KIAA0319L: variants seen among roughly 807,000 people sequenced by gnomAD.
KIAA0319L encodes dyslexia-associated protein KIAA0319-like protein.
Under a neutral mutation model 120.1 loss-of-function variants are expected in KIAA0319L, and 55 were observed. The ratio of observed to expected loss-of-function variants is 0.46; its 90% CI spans 0.37 to 0.57. The LOEUF (loss-of-function observed/expected upper bound fraction) is 0.57, where lower values mean the gene tolerates loss of function less well. Ranked by LOEUF, KIAA0319L falls within the 20% of genes least tolerant of loss-of-function variation. The pLI is 0.00. For missense variants in KIAA0319L, 1,049 were observed against 1,255.3 expected (o/e 0.84, Z 2.48); for synonymous variants, 398 against 471.9 (o/e 0.84, Z 2.03).
At chr1:35,521,746 G>A (rs6675385) in intron 2 of KIAA0319L, among the ~76,000 whole-genome samples, 2 of 151,996 alleles carry the variant, frequency 1.3e-5, no homozygotes, top group Admixed American at 1.3e-4. Context: ...GCCAAGGTGG[G>A]CGGATCACGA....
chr1:35,548,684 T>C (rs1647079465), intron 2 of KIAA0319L, among the ~76,000 whole-genome samples: 6 of 152,132 alleles, frequency 3.9e-5, no homozygotes, highest in Admixed American at 3.9e-4. Context: ...AAAAAATTTA[T>C]AGACCATCTA....
At chr1:35,477,389 C>T (rs762839666) in intron 4 of KIAA0319L, among the ~76,000 whole-genome samples, 2 of 152,106 alleles carry the variant, frequency 1.3e-5, no homozygotes, top group Non-Finnish European at 2.9e-5. Context: ...ATGAGATGGC[C>T]GGGCGCGGTG....
At chr1:35,478,306 C>CA (rs907672678) in intron 4 of KIAA0319L, among the ~76,000 whole-genome samples, 35 of 135,684 alleles carry the variant, frequency 2.6e-4, no homozygotes, top group African/African-American at 4.1e-4. Flanking sequence ...TTAATGAGTA[C>CA]AAAAAAAAAA....
intron 3 of KIAA0319L, among the ~76,000 whole-genome samples, chr1:35,499,436 C>T (rs1194882832): frequency 6.6e-6 from 1 of 152,106 alleles, no homozygotes; most frequent in Non-Finnish European, 1.5e-5. Flanking sequence ...AGTGTCTATG[C>T]AGACTGGCCC....
rs925641196 is a variant in KIAA0319L, at chr1:35,434,787, C to A, written c.*107G>T. ...GGGGTTCTGGTTGGGACTGTCAGGGCGAAATGACCAGCAGATGCTGGGACA... is the reference window on the plus strand; with the variant it reads ...GGGGTTCTGGTTGGGACTGTCAGGGAGAAATGACCAGCAGATGCTGGGACA... On this transcript the variant is annotated 3_prime_UTR_variant, in exon 21 of 21. Coordinates refer to ENST00000325722, the MANE Select transcript of KIAA0319L (RefSeq NM_024874.5). 1.8e-5 allele frequency: 18 copies of A among 981,900 alleles called. No homozygotes were observed. Among genetic ancestry groups the A allele is most frequent in the South Asian group, 1.8e-4 (11 of 60,054 alleles). 60.8% of individuals were successfully genotyped at this position (981,900 alleles called of 1,614,324 possible).
At chr1:35,473,300 G>T (rs555277622) in intron 5 of KIAA0319L, among the ~76,000 whole-genome samples, 1 of 151,362 alleles carries the variant, frequency 6.6e-6, no homozygotes, top group Admixed American at 6.6e-5. Context: ...GTTTCGCCAC[G>T]TTGGCCAGGC....
At chr1:35,521,865 T>C (rs60317503) in intron 2 of KIAA0319L, among the ~76,000 whole-genome samples, 11,775 of 146,978 alleles carry the variant, frequency 0.08, 1,107 homozygotes, top group East Asian at 0.45. Context: ...CCCAGCTATC[T>C]GGGACGCTGA....
At chr1:35,530,859 A>C (rs116676989) in intron 2 of KIAA0319L, among the ~76,000 whole-genome samples, 6 of 152,312 alleles carry the variant, frequency 3.9e-5, no homozygotes, top group Non-Finnish European at 5.9e-5. Context: ...TCCAGCAACG[A>C]ACACCATCAG....
chr1:35,500,765 G>T (rs979143947), intron 3 of KIAA0319L, among the ~76,000 whole-genome samples: 2 of 152,158 alleles, frequency 1.3e-5, no homozygotes, highest in African/African-American at 4.8e-5. Context: ...TTAAGCAGAA[G>T]TTTGAACTCC....
rs550631512 is a variant in KIAA0319L at position 35,483,738 on chromosome 1, C to G, written c.667-4526G>C. ...TGTATAACATGGTTATATTTGTTTC[C>G]TAGAGCTGCCATAATGAATTACTAT... On this transcript the variant is annotated intron_variant, in intron 3 of 20. Coordinates refer to ENST00000325722, the MANE Select transcript of KIAA0319L (RefSeq NM_024874.5). Among the ~76,000 whole-genome samples the G allele has an allele frequency of 3.3e-5, 5 of 152,174 alleles. No individual in the cohort carries two copies. The East Asian group carries it at 9.6e-4, about 29-fold the overall frequency.
chr1:35,534,216 T>G (rs184177600), intron 2 of KIAA0319L, among the ~76,000 whole-genome samples: 1 of 152,358 alleles, frequency 6.6e-6, no homozygotes, highest in East Asian at 1.9e-4. Flanking sequence ...ATGTATGGTG[T>G]AGATGATTTG....
At chr1:35,545,029 G>A (rs1170855668) in intron 2 of KIAA0319L, among the ~76,000 whole-genome samples, 1 of 152,172 alleles carries the variant, frequency 6.6e-6, no homozygotes, top group African/African-American at 2.4e-5. Context: ...TTGGCTAGAA[G>A]GTGAGGGGTA....
intron 2 of KIAA0319L, among the ~76,000 whole-genome samples, chr1:35,552,070 C>T (rs1204388915): frequency 6.6e-6 from 1 of 151,854 alleles, no homozygotes; most frequent in Non-Finnish European, 1.5e-5. Flanking sequence ...TGCCACCAGG[C>T]ATGGTGGCTC....
intron 3 of KIAA0319L, among the ~76,000 whole-genome samples, chr1:35,481,330 T>C (rs952769176): frequency 5.6e-4 from 85 of 152,330 alleles, no homozygotes; most frequent in African/African-American, 1.9e-3. Flanking sequence ...TATACATAAG[T>C]ATATGTTTAA....
chr1:35,541,832 G>A (rs576382263), intron 2 of KIAA0319L, among the ~76,000 whole-genome samples: 1 of 152,348 alleles, frequency 6.6e-6, no homozygotes, highest in Admixed American at 6.5e-5. Flanking sequence ...CAGCAGAACA[G>A]AGTCCTCTTC....
Position 35,435,617 on chromosome 1 carries a change from G to A in KIAA0319L, c.2963-536C>T, listed in dbSNP as rs558439070. 3.3e-4 allele frequency: 50 copies of A among 153,148 alleles called. 1 individual carries two copies. Among genetic ancestry groups the A allele is most frequent in the Non-Finnish European group, 6.5e-4 (45 of 68,766 alleles). 9.5% of individuals were successfully genotyped at this position (153,148 alleles called of 1,614,324 possible). A position where few individuals can be genotyped will look rare whatever the true frequency, so the allele number is the denominator to read the frequency against. On this transcript the variant is annotated intron_variant, in intron 20 of 20. Coordinates refer to ENST00000325722, the MANE Select transcript of KIAA0319L (RefSeq NM_024874.5). ...TGGATGCTAGGGTGGCAGAGTAGGT[G>A]CACACTTGGACAGGTCTCTCCTGCT...
intron 2 of KIAA0319L, among the ~76,000 whole-genome samples, chr1:35,539,867 A>C (rs995009574): frequency 2.0e-5 from 3 of 152,240 alleles, no homozygotes; most frequent in Non-Finnish European, 4.4e-5. Flanking sequence ...TGAAATGGTG[A>C]ACTTGAATCT....
intron 2 of KIAA0319L, among the ~76,000 whole-genome samples, chr1:35,508,446 A>G (rs937815553): frequency 1.3e-5 from 2 of 152,224 alleles, no homozygotes; most frequent in African/African-American, 2.4e-5. Context: ...TAAATGTCCA[A>G]CGGACTAAAT....
At chr1:35,483,774 G>A (rs1349042134) in intron 3 of KIAA0319L, among the ~76,000 whole-genome samples, 1 of 152,104 alleles carries the variant, frequency 6.6e-6, no homozygotes, top group East Asian at 1.9e-4. Flanking sequence ...AAACTTTGTG[G>A]CTTAAAACAA....
Sources: allele counts gnomAD v4.1 joint callset (sites outside exome capture counted in the v4.1 genomes callset), GRCh38; gene constraint gnomAD v4.1.1; transcripts MANE v1.5; gene names NCBI Gene and HGNC (gene_info 2026-07-23, HGNC 2026-07-21).